TMEM117: variants seen among roughly 807,000 people sequenced by gnomAD.
TMEM117 encodes transmembrane protein 117.
In TMEM117, 27 loss-of-function variants were observed where a neutral mutation model predicts 52.4. The observed-to-expected ratio is 0.51, with a 90% CI of 0.38 to 0.71. TMEM117 has a LOEUF of 0.71. TMEM117 is among the 30% of genes least tolerant of loss of function. The pLI, the probability that TMEM117 is intolerant of heterozygous loss-of-function variation, is 0.00. For synonymous variants in TMEM117, 215 were observed against 206.3 expected, an observed-to-expected ratio of 1.04 and a Z score of -0.36; for missense variants, 556 against 630.5, an observed-to-expected ratio of 0.88 and a Z score of 1.26.
intron 2 of TMEM117, among the ~76,000 whole-genome samples, chr12:43,885,584 T>C (rs1943980034): frequency 6.6e-6 from 1 of 152,036 alleles, no homozygotes; most frequent in Non-Finnish European, 1.5e-5. Flanking sequence ...TTAATACTTT[T>C]GGGAGTTTTC....
At chr12:43,800,468 G>A in the TMEM117 span, 1 of 1,613,328 alleles carries the variant, frequency 6.2e-7, no homozygotes. Flanking sequence ...CTTTAATGTG[G>A]CCACCTCCAA....
upstream of TMEM117, among the ~76,000 whole-genome samples, chr12:43,832,713 G>A (rs1342762357): frequency 1.3e-5 from 2 of 152,102 alleles, no homozygotes; most frequent in East Asian, 3.8e-4. Context: ...AGGTTAAAAC[G>A]TGGGCTGACA....
intron 3 of TMEM117, among the ~76,000 whole-genome samples, chr12:44,089,285 C>T (rs1427722523): frequency 6.6e-6 from 1 of 152,124 alleles, no homozygotes; most frequent in South Asian, 2.1e-4. Flanking sequence ...ATAATAAATG[C>T]TTTATTGAAA....
intron 3 of TMEM117, among the ~76,000 whole-genome samples, chr12:44,115,599 G>A (rs2138120613): frequency 6.6e-6 from 1 of 151,854 alleles, no homozygotes; most frequent in Middle Eastern, 3.4e-3. Context: ...TGAATGAAAA[G>A]CCAGATGTGC....
chr12:44,195,380 G>A (rs1159064232), intron 4 of TMEM117, among the ~76,000 whole-genome samples: 4 of 152,088 alleles, frequency 2.6e-5, no homozygotes, highest in African/African-American at 7.2e-5. Context: ...GACTTCTACT[G>A]CTTTTTAAAG....
At chr12:43,847,868 AGT>A (rs1257620165) in intron 2 of TMEM117, among the ~76,000 whole-genome samples, 3 of 152,154 alleles carry the variant, frequency 2.0e-5, no homozygotes, top group Non-Finnish European at 4.4e-5. Context: ...ATTTTCCATA[AGT>A]GTTGGCCGGC....
At chr12:43,935,560 A>G (rs1374528166) in intron 2 of TMEM117, among the ~76,000 whole-genome samples, 2 of 152,170 alleles carry the variant, frequency 1.3e-5, no homozygotes, top group Non-Finnish European at 2.9e-5. Flanking sequence ...AAGGAGGAAT[A>G]TTTTTTCTTT....
At chr12:43,941,004 C>T (rs139173628) in intron 2 of TMEM117, among the ~76,000 whole-genome samples, 16 of 152,218 alleles carry the variant, frequency 1.1e-4, no homozygotes, top group African/African-American at 2.9e-4. Context: ...ATCCCTGTGC[C>T]CTCCCACCCT....
intron 3 of TMEM117, among the ~76,000 whole-genome samples, chr12:43,987,342 C>G (rs1429863752): frequency 6.6e-6 from 1 of 152,154 alleles, no homozygotes; most frequent in African/African-American, 2.4e-5. Context: ...TGGGATATTT[C>G]TTATGGCACA....
chr12:44,315,887 A>G (rs1309949009), intron 6 of TMEM117, among the ~76,000 whole-genome samples: 1 of 152,188 alleles, frequency 6.6e-6, no homozygotes, highest in Non-Finnish European at 1.5e-5. Context: ...ATATAAAAAT[A>G]GCAACCCCTG....
At chr12:44,076,347 A>T (rs1370261013) in intron 3 of TMEM117, among the ~76,000 whole-genome samples, 1 of 152,188 alleles carries the variant, frequency 6.6e-6, no homozygotes, top group East Asian at 1.9e-4. Flanking sequence ...AATTAATGAC[A>T]GGAAGAATTG....
At chr12:43,807,130 GT>G in the TMEM117 span, among the ~76,000 whole-genome samples, 5 of 151,088 alleles carry the variant, frequency 3.3e-5, no homozygotes, top group Non-Finnish European at 7.4e-5. Context: ...GGGGGGTTTG[GT>G]TTTTTTTTGG....
At chr12:43,974,038 C>T (rs964852996) in intron 3 of TMEM117, among the ~76,000 whole-genome samples, 1 of 152,184 alleles carries the variant, frequency 6.6e-6, no homozygotes, top group East Asian at 1.9e-4. Context: ...CAAAACTTCT[C>T]TAGTCATCAG....
intron 5 of TMEM117, among the ~76,000 whole-genome samples, chr12:44,237,832 A>G (rs1247479368): frequency 6.6e-6 from 1 of 152,222 alleles, no homozygotes; most frequent in African/African-American, 2.4e-5. Context: ...GAATAAATGA[A>G]TGAATGCCCT....
At chr12:44,095,021 A>G (rs1235873138) in intron 3 of TMEM117, among the ~76,000 whole-genome samples, 1 of 152,112 alleles carries the variant, frequency 6.6e-6, no homozygotes, top group East Asian at 1.9e-4. Context: ...ATGTTGGTCA[A>G]CATTTTTTGT....
At chr12:44,254,466 G>T (rs1950233985) in intron 5 of TMEM117, among the ~76,000 whole-genome samples, 1 of 151,728 alleles carries the variant, frequency 6.6e-6, no homozygotes, top group Non-Finnish European at 1.5e-5. Context: ...AATTAGCCCA[G>T]ATTTTTAAAA....
At chr12:44,209,091 A>G (rs1414447709) in intron 4 of TMEM117, among the ~76,000 whole-genome samples, 1 of 152,114 alleles carries the variant, frequency 6.6e-6, no homozygotes, top group Admixed American at 6.6e-5. Context: ...AAAATATTTG[A>G]CACTAGACCT....
chr12:43,862,694 C>CT (rs1943510726), intron 2 of TMEM117, among the ~76,000 whole-genome samples: 1 of 152,190 alleles, frequency 6.6e-6, no homozygotes, highest in African/African-American at 2.4e-5. Flanking sequence ...AGAGGATACT[C>CT]TAACTAGAGT....
At chr12:44,147,589 G>T (rs1046838085) in intron 4 of TMEM117, among the ~76,000 whole-genome samples, 1 of 152,050 alleles carries the variant, frequency 6.6e-6, no homozygotes. Context: ...CAGGTTTGAG[G>T]TTCTTGTTGG....
Sources: gnomAD v4.1 joint callset for allele counts (sites outside exome capture counted in the v4.1 genomes callset) on GRCh38, gnomAD v4.1.1 for gene constraint, MANE v1.5 for transcripts, NCBI Gene and HGNC (gene_info 2026-07-23, HGNC 2026-07-21) for gene names.